The following SHISA6 variants were observed in gnomAD, a reference collection of about 807,000 sequenced individuals.
The protein encoded by SHISA6 is shisa family member 6.
In SHISA6, 22 loss-of-function variants were observed where a neutral mutation model predicts 47.9. That is an observed-to-expected ratio of 0.46 (90% CI 0.33 to 0.66). SHISA6 has a LOEUF of 0.66. Among genes scored for constraint, SHISA6 ranks in the 30% least tolerant of loss-of-function variants. The pLI is 0.02. For synonymous variants in SHISA6, 388 were observed against 337.8 expected (o/e 1.15, Z -1.63); for missense variants, 680 against 764.6 (o/e 0.89, Z 1.30).
chr17:11,338,281 C>G (rs1911392261), intron 2 of SHISA6, among the ~76,000 whole-genome samples: 1 of 152,224 alleles, frequency 6.6e-6, no homozygotes, highest in South Asian at 2.1e-4. Flanking sequence ...ATTTGAGCTT[C>G]TAGCCCCAAA....
chr17:11,398,993 G>A (rs928465275), intron 3 of SHISA6, among the ~76,000 whole-genome samples: 6 of 151,614 alleles, frequency 4.0e-5, no homozygotes, highest in African/African-American at 7.3e-5. Context: ...CTCACCACAA[G>A]GATTGTAGCA....
Position 11,395,513 on chromosome 17 carries a change from CTT to C in SHISA6, c.895+16024_895+16025del, listed in dbSNP as rs886287303. 1.3e-3 allele frequency among the ~76,000 whole-genome samples: 158 copies of C among 117,368 alleles called. 1 individual carries two copies. The highest frequency in any genetic ancestry group is 3.9e-3 in the African/African-American group (118 of 30,044). 77.0% of individuals were successfully genotyped at this position (117,368 alleles called of 152,430 possible). A position where few individuals can be genotyped will look rare whatever the true frequency, so the allele number is the denominator to read the frequency against. On this transcript the variant is annotated intron_variant, in intron 3 of 5. Coordinates refer to ENST00000441885, the MANE Select transcript of SHISA6 (RefSeq NM_207386.4). ...TTATATGCAAATACAGGCAGTTTTACTTTTTTTTTTTTTTTTTTTTTGAGACG... is the reference window on the plus strand; with the variant it reads ...TTATATGCAAATACAGGCAGTTTTACTTTTTTTTTTTTTTTTTTTGAGACG...
Position 11,555,781 on chromosome 17 carries a change from C to T in SHISA6, c.994C>T (p.Pro332Ser), listed in dbSNP as rs1309491776. 1.3e-6 allele frequency: 2 copies of T among 1,551,094 alleles called. No homozygotes were observed. Among genetic ancestry groups the T allele is most frequent in the African/African-American group, 2.7e-5 (2 of 73,044 alleles). The change falls in exon 5 of 6, where the codon CCC becomes TCC. Residue 332 changes from proline to serine, a missense_variant. By Grantham distance (74) the Pro-to-Ser change is moderately conservative. Transcript: ENST00000441885. ...CAACATCCTGACATCAGCCACCGAG[C>T]CCTATGACCTCTCCTTCTCCCGCTC... Reference protein sequence around the residue: ...MNNILTSATEPYDLSFSRSFQ... With the variant: ...MNNILTSATESYDLSFSRSFQ...
intron 3 of SHISA6, among the ~76,000 whole-genome samples, chr17:11,494,685 C>T (rs905549638): frequency 6.6e-6 from 1 of 152,126 alleles, no homozygotes; most frequent in African/African-American, 2.4e-5. Context: ...CTCTTGGCTG[C>T]CAGGCTGAGG....
intron 2 of SHISA6, among the ~76,000 whole-genome samples, chr17:11,304,018 A>G (rs1405361269): frequency 6.6e-6 from 1 of 152,184 alleles, no homozygotes; most frequent in Non-Finnish European, 1.5e-5. Flanking sequence ...CCCAGGCCTC[A>G]CTGTTTCTGC....
At chr17:11,311,838 C>T (rs541681061) in intron 2 of SHISA6, among the ~76,000 whole-genome samples, 2 of 151,888 alleles carry the variant, frequency 1.3e-5, no homozygotes, top group Admixed American at 6.6e-5. Flanking sequence ...TGCAGTGGGG[C>T]GATCTTGGCT....
At chr17:11,439,506 T>A (rs1272580249) in intron 3 of SHISA6, among the ~76,000 whole-genome samples, 1 of 152,066 alleles carries the variant, frequency 6.6e-6, no homozygotes, top group African/African-American at 2.4e-5. Flanking sequence ...GGGGGAAAAA[T>A]GGGTAGCGTG....
chr17:11,560,641 C>G lies in SHISA6; in HGVS notation c.*2337C>G, dbSNP rs2072034204. The G allele has an allele frequency of 6.6e-6, 1 of 152,252 alleles. No individual in the cohort carries two copies. The highest frequency in any genetic ancestry group is 2.4e-5 in the African/African-American group (1 of 41,442). 9.4% of individuals were successfully genotyped at this position (152,252 alleles called of 1,614,324 possible). ...CACCAAACCAGAAAGCTGATCCCAT[C>G]TCCAGTGTCAAAGCTTCTCAGCACC... On this transcript the variant is annotated 3_prime_UTR_variant, in exon 6 of 6. Transcript: ENST00000441885.
At chr17:11,252,643 G>T (rs1331889768) in intron 1 of SHISA6, among the ~76,000 whole-genome samples, 2 of 152,166 alleles carry the variant, frequency 1.3e-5, no homozygotes, top group African/African-American at 2.4e-5. Flanking sequence ...GAAGGGAGTC[G>T]CCAGGGGAGT....
chr17:11,498,675 A>G (rs1441706547), intron 3 of SHISA6, among the ~76,000 whole-genome samples: 4 of 152,116 alleles, frequency 2.6e-5, no homozygotes, highest in African/African-American at 9.7e-5. Context: ...TAATAATAAA[A>G]AGAAGGGAAG....
chr17:11,528,865 T>C (rs1411588173), intron 3 of SHISA6, among the ~76,000 whole-genome samples: 1 of 152,176 alleles, frequency 6.6e-6, no homozygotes, highest in East Asian at 1.9e-4. Context: ...CCAGTCAAAA[T>C]CTTGATTCCC....
intron 2 of SHISA6, 100 bp downstream of exon 2, chr17:11,263,626 A>T: frequency 7.0e-7 from 1 of 1,419,914 alleles, no homozygotes; most frequent in Non-Finnish European, 9.6e-7. Flanking sequence ...TGATGGTGTG[A>T]TGAGGGACTC....
At position 11,241,303 on chromosome 17, in the gene SHISA6, C is replaced by T. The variant is rs1407042931; in HGVS notation, c.-120C>T. 1 of 570,082 alleles carries T rather than the reference C, an allele frequency of 1.8e-6. No individual in the cohort carries two copies. The highest frequency in any genetic ancestry group is 2.2e-6 in the Non-Finnish European group (1 of 451,498). 35.3% of individuals were successfully genotyped at this position (570,082 alleles called of 1,614,324 possible). A position where few individuals can be genotyped will look rare whatever the true frequency, so the allele number is the denominator to read the frequency against. On this transcript the variant is annotated 5_prime_UTR_variant, in exon 1 of 6. Transcript: ENST00000441885. The surrounding 1 kb of genome is among the most constrained non-coding windows in gnomAD (Gnocchi z 5.5). ...CCGCGCCTCGATGGCGCCATCGCCC[C>T]GGAGCCGCTGACCGCTCAGCGCCTC...
At chr17:11,429,097 C>T (rs903723158) in intron 3 of SHISA6, among the ~76,000 whole-genome samples, 1 of 152,062 alleles carries the variant, frequency 6.6e-6, no homozygotes, top group African/African-American at 2.4e-5. Context: ...CCAAGGGATC[C>T]ACTTTCAAAT....
intron 3 of SHISA6, among the ~76,000 whole-genome samples, chr17:11,443,422 TA>T (rs1915145707): frequency 6.6e-6 from 1 of 152,110 alleles, no homozygotes; most frequent in Admixed American, 6.5e-5. Context: ...GAAACAATAA[TA>T]AGATAAAATG....
At chr17:11,482,004 G>A (rs185582773) in intron 3 of SHISA6, among the ~76,000 whole-genome samples, 1 of 152,314 alleles carries the variant, frequency 6.6e-6, no homozygotes, top group East Asian at 1.9e-4. Context: ...GATGGGAATG[G>A]ACAGAGAAAA....
chr17:11,503,830 G>T (rs1597556029), intron 3 of SHISA6, among the ~76,000 whole-genome samples: 1 of 152,174 alleles, frequency 6.6e-6, no homozygotes, highest in Non-Finnish European at 1.5e-5. Flanking sequence ...GCTGTTGTCT[G>T]TATTGTATGT....
chr17:11,283,917 C>T (rs981472884), intron 2 of SHISA6, among the ~76,000 whole-genome samples: 15 of 152,254 alleles, frequency 9.9e-5, no homozygotes, highest in Admixed American at 2.0e-4. Context: ...GTGTGCTTTG[C>T]GCTTCAGACT....
chr17:11,312,504 G>A (rs964327777), intron 2 of SHISA6, among the ~76,000 whole-genome samples: 2 of 152,020 alleles, frequency 1.3e-5, no homozygotes, highest in East Asian at 3.9e-4. Context: ...TAAATGAATA[G>A]GCTAAAAAGC....
Sources: allele counts gnomAD v4.1 joint callset (sites outside exome capture counted in the v4.1 genomes callset), GRCh38; gene constraint gnomAD v4.1.1; non-coding constraint Gnocchi (gnomAD v3.1); transcripts MANE v1.5; gene names NCBI Gene and HGNC (gene_info 2026-07-23, HGNC 2026-07-21).